EFCAB11: variants seen among roughly 807,000 people sequenced by gnomAD.
EFCAB11 encodes EF-hand calcium binding domain 11.
Under a neutral mutation model 23.0 loss-of-function variants are expected in EFCAB11, and 14 were observed. That is an observed-to-expected ratio of 0.61 (90% CI 0.40 to 0.95). The LOEUF (loss-of-function observed/expected upper bound fraction) is 0.95, where lower values mean the gene tolerates loss of function less well. Ranked by LOEUF, EFCAB11 falls within the 40% of genes least tolerant of loss-of-function variation. The pLI, the probability that EFCAB11 is intolerant of heterozygous loss-of-function variation, is 0.00. For synonymous variants in EFCAB11, 65 were observed against 66.6 expected (o/e 0.98, Z 0.11); for missense variants, 198 against 195.8 (o/e 1.01, Z -0.07).
intron 5 of EFCAB11, among the ~76,000 whole-genome samples, chr14:89,808,475 C>T (rs1376038465): frequency 1.3e-5 from 2 of 152,050 alleles, no homozygotes; most frequent in African/African-American, 2.4e-5. Context: ...TTGCTTTTAA[C>T]AGCTTGTACT....
chr14:89,878,211 C>T (rs1470716688), intron 5 of EFCAB11, among the ~76,000 whole-genome samples: 1 of 151,998 alleles, frequency 6.6e-6, no homozygotes, highest in East Asian at 1.9e-4. Flanking sequence ...ATTAGATGAC[C>T]CCTGTGGTAG....
At chr14:89,925,655 T>A (rs1890168463) in intron 5 of EFCAB11, among the ~76,000 whole-genome samples, 2 of 150,546 alleles carry the variant, frequency 1.3e-5, no homozygotes, top group Admixed American at 1.3e-4. Context: ...TTTCTTTTTT[T>A]TTTTTTTTGA....
chr14:89,835,643 T>TGTGTGTGTGTGTGTGTGTGTGTGTG (rs1491344939), intron 5 of EFCAB11, among the ~76,000 whole-genome samples: 10 of 138,816 alleles, frequency 7.2e-5, no homozygotes, highest in African/African-American at 1.9e-4. Flanking sequence ...TGTGTGTGTG[T>TGTGTGTGTGTGTGTGTGTGTGTGTG]TTGAGACGTT....
chr14:89,925,834 C>CA (rs1391255241), intron 5 of EFCAB11, among the ~76,000 whole-genome samples: 1 of 151,218 alleles, frequency 6.6e-6, no homozygotes, highest in Non-Finnish European at 1.5e-5. Context: ...TCAGTAGAGA[C>CA]AAGTTTTTTT....
At chr14:89,803,908 T>A (rs1190398985) in intron 5 of EFCAB11, among the ~76,000 whole-genome samples, 1 of 152,096 alleles carries the variant, frequency 6.6e-6, no homozygotes, top group Non-Finnish European at 1.5e-5. Flanking sequence ...TTTACCTTTT[T>A]AAAGACATGT....
At chr14:89,818,973 A>AG (rs1301069888) in intron 5 of EFCAB11, among the ~76,000 whole-genome samples, 1 of 152,222 alleles carries the variant, frequency 6.6e-6, no homozygotes, top group East Asian at 1.9e-4. Flanking sequence ...TTGTAAAAAA[A>AG]CTAGACATAT....
intron 5 of EFCAB11, among the ~76,000 whole-genome samples, chr14:89,930,230 T>A (rs7147996): frequency 0.34 from 52,359 of 152,182 alleles, 10,793 homozygotes; most frequent in Middle Eastern, 0.47. Flanking sequence ...TTCATATATG[T>A]CACTGTTAAT....
chr14:89,867,595 A>G (rs1326080278), intron 5 of EFCAB11, among the ~76,000 whole-genome samples: 1 of 152,152 alleles, frequency 6.6e-6, no homozygotes, highest in Non-Finnish European at 1.5e-5. Flanking sequence ...ATTTCACTTT[A>G]TCCTACGTGC....
intron 5 of EFCAB11, among the ~76,000 whole-genome samples, chr14:89,801,685 T>C (rs928681543): frequency 6.6e-6 from 1 of 152,136 alleles, no homozygotes; most frequent in African/African-American, 2.4e-5. Flanking sequence ...AAAAATATTT[T>C]GATTCATTGT....
chr14:89,836,099 A>C (rs1450372731), intron 5 of EFCAB11, among the ~76,000 whole-genome samples: 2 of 152,170 alleles, frequency 1.3e-5, no homozygotes, highest in African/African-American at 4.8e-5. Context: ...GCTCCAGGCT[A>C]GACAGGGAAA....
At position 89,794,774 on chromosome 14, in the gene EFCAB11, G is replaced by A. The variant is rs575891003; in HGVS notation, c.*2469C>T. 2.0e-5 allele frequency: 3 copies of A among 152,120 alleles called. No individual in the cohort carries two copies. Among genetic ancestry groups the A allele is most frequent in the South Asian group, 4.2e-4 (2 of 4,804 alleles). 9.4% of individuals were successfully genotyped at this position (152,120 alleles called of 1,614,324 possible). A position where few individuals can be genotyped will look rare whatever the true frequency, so the allele number is the denominator to read the frequency against. On this transcript the variant is annotated 3_prime_UTR_variant, in exon 6 of 6. Coordinates refer to ENST00000316738, the MANE Select transcript of EFCAB11 (RefSeq NM_145231.4). ...TTGAATAAGACTTTATTTTTTAAAT[G>A]AATTTTTAATTTTAGAATAGTTTTA...
At chr14:89,954,237 C>G (rs1401431905) in intron 1 of EFCAB11, 1 of 1,187,718 alleles carries the variant, frequency 8.4e-7, no homozygotes, top group Admixed American at 2.1e-5. Flanking sequence ...CTAGGTGACG[C>G]AAATTAATTC....
Position 89,872,854 on chromosome 14 carries a change from G to GACAC in EFCAB11, c.410+58683_410+58686dup, listed in dbSNP as rs34058468. 3.8e-3 allele frequency among the ~76,000 whole-genome samples: 572 copies of GACAC among 148,864 alleles called. 4 individuals are homozygous for GACAC. Among genetic ancestry groups the GACAC allele is most frequent in the African/African-American group, 0.013 (524 of 40,486 alleles). On this transcript the variant is annotated intron_variant, in intron 5 of 5. Coordinates refer to ENST00000316738, the MANE Select transcript of EFCAB11 (RefSeq NM_145231.4). ...CCGTATCCTTATAAGAAGAGATTAG[G>GACAC]ACACACACACACACACACACAGGGA... is the stretch of plus-strand genomic sequence containing the variant.
intron 5 of EFCAB11, among the ~76,000 whole-genome samples, chr14:89,846,131 C>A (rs749676717): frequency 6.6e-6 from 1 of 152,198 alleles, no homozygotes; most frequent in Non-Finnish European, 1.5e-5. Flanking sequence ...AGATAATCCA[C>A]ATAAAGTGCT....
intron 5 of EFCAB11, among the ~76,000 whole-genome samples, chr14:89,841,233 CT>C (rs1887252777): frequency 6.6e-6 from 1 of 152,012 alleles, no homozygotes; most frequent in Non-Finnish European, 1.5e-5. Context: ...GGAGACATGG[CT>C]TCTCTCCATA....
chr14:89,880,470 T>C (rs934982249), intron 5 of EFCAB11, among the ~76,000 whole-genome samples: 7 of 152,328 alleles, frequency 4.6e-5, no homozygotes, highest in South Asian at 2.1e-4. Flanking sequence ...CTGGACTGCA[T>C]AGGCAGATGA....
intron 5 of EFCAB11, among the ~76,000 whole-genome samples, chr14:89,897,750 G>A (rs1220174204): frequency 3.3e-5 from 5 of 152,074 alleles, no homozygotes; most frequent in Non-Finnish European, 7.4e-5. Context: ...TTTACATCTA[G>A]TTACAATCTG....
chr14:89,828,816 A>T (rs1886792409), intron 5 of EFCAB11, among the ~76,000 whole-genome samples: 1 of 152,190 alleles, frequency 6.6e-6, no homozygotes, highest in African/African-American at 2.4e-5. Context: ...ACAGTTGGGG[A>T]GATATTAGTG....
At chr14:89,799,244 C>T (rs975968783) in intron 5 of EFCAB11, 1 of 152,184 alleles carries the variant, frequency 6.6e-6, no homozygotes, top group Admixed American at 6.5e-5. Context: ...AGGGCATCAT[C>T]ATTTTAAATT....
Sources: gnomAD v4.1 joint callset for allele counts (sites outside exome capture counted in the v4.1 genomes callset) on GRCh38, gnomAD v4.1.1 for gene constraint, MANE v1.5 for transcripts, NCBI Gene and HGNC (gene_info 2026-07-23, HGNC 2026-07-21) for gene names.